NFKB1: variants seen among roughly 807,000 people sequenced by gnomAD.
NFKB1 encodes the protein nuclear factor NF-kappa-B p105 subunit.
In NFKB1, 9 loss-of-function variants were observed where a neutral mutation model predicts 105.1. That is an observed-to-expected ratio of 0.09 (90% CI 0.05 to 0.15). The LOEUF is 0.15. Ranked by LOEUF, NFKB1 falls within the 10% of genes least tolerant of loss-of-function variation. The probability of loss-of-function intolerance (pLI) is 1.00; values close to 1 mark genes in which losing one functional copy is unlikely to be tolerated. For missense variants in NFKB1, 830 were observed against 1,203.7 expected (o/e 0.69, Z 4.59); for synonymous variants, 440 against 442.2 (o/e 1.00, Z 0.06).
chr4:102,567,927 T>C lies in NFKB1; in HGVS notation c.407+792T>C, dbSNP rs559253512. ...GTGCAATCAATAATTCTAAAAATTG[T>C]TGTTTTAAGTCTTTCTTTGGAAGTC... is the stretch of plus-strand genomic sequence containing the variant. On this transcript the variant is annotated intron_variant, in intron 6 of 23. Transcript: ENST00000226574. Among the ~76,000 whole-genome samples, 12 of 152,318 alleles carry C rather than the reference T, an allele frequency of 7.9e-5. 1 individual carries two copies. The highest frequency in any genetic ancestry group is 2.9e-4 in the African/African-American group (12 of 41,584).
chr4:102,614,103 C>G (rs1031770345), intron 23 of NFKB1, among the ~76,000 whole-genome samples: 3 of 152,074 alleles, frequency 2.0e-5, no homozygotes, highest in African/African-American at 4.8e-5. Context: ...ATTTCTAAAC[C>G]CCCAACACTC....
At chr4:102,503,146 G>A (rs1173673618) in intron 1 of NFKB1, among the ~76,000 whole-genome samples, 1 of 152,092 alleles carries the variant, frequency 6.6e-6, no homozygotes, top group African/African-American at 2.4e-5. Flanking sequence ...TAAATTTGAA[G>A]CAATGTACTT....
chr4:102,540,849 T>G (rs1245343187), intron 5 of NFKB1, among the ~76,000 whole-genome samples: 1 of 152,164 alleles, frequency 6.6e-6, no homozygotes, highest in East Asian at 1.9e-4. Context: ...AGGATGACCT[T>G]TAAGTTTACA....
At chr4:102,557,313 T>C (rs1210482779) in intron 5 of NFKB1, 2 of 152,204 alleles carry the variant, frequency 1.3e-5, no homozygotes, top group East Asian at 1.9e-4. Context: ...ACTTAGAGAT[T>C]ATATATTTGT....
chr4:102,610,639 A>G lies in NFKB1; in HGVS notation c.2292A>G (p.Ala764=). 1 of 1,614,076 alleles carries G rather than the reference A, an allele frequency of 6.2e-7. No individual in the cohort carries two copies. Among genetic ancestry groups the G allele is most frequent in the Non-Finnish European group, 8.5e-7 (1 of 1,179,960 alleles). Residue 764 remains alanine (A), a synonymous_variant, in exon 20 of 24, where the codon GCA becomes GCG. Transcript: ENST00000226574. ...LYDLDDSWEN[A]GEDEGVVPGT... The stretch of plus-strand genomic sequence containing the variant: ...ACCTGGATGACTCTTGGGAAAATGC[A>G]GGAGAGGATGAAGGAGTTGTGCCTG...
At chr4:102,557,545 C>G (rs1723080876) in intron 5 of NFKB1, among the ~76,000 whole-genome samples, 1 of 152,114 alleles carries the variant, frequency 6.6e-6, no homozygotes, top group African/African-American at 2.4e-5. Context: ...TTGTTCCTAT[C>G]CATCACCACA....
intron 13 of NFKB1, among the ~76,000 whole-genome samples, chr4:102,595,484 A>G (rs1405586397): frequency 6.6e-6 from 1 of 152,158 alleles, no homozygotes; most frequent in Non-Finnish European, 1.5e-5. Context: ...TTGAATACCT[A>G]TTTTTGTGCC....
chr4:102,594,155 C>T (rs1244598441), intron 12 of NFKB1, among the ~76,000 whole-genome samples: 1 of 152,140 alleles, frequency 6.6e-6, no homozygotes, highest in Non-Finnish European at 1.5e-5. Context: ...ATAGGTGCAA[C>T]GTTTACCTGA....
At chr4:102,529,985 G>A in intron 3 of NFKB1, 71 bp downstream of exon 3, 2 of 1,124,136 alleles carry the variant, frequency 1.8e-6, no homozygotes, top group Non-Finnish European at 1.3e-6. Flanking sequence ...TTTGTTAATA[G>A]TCTGTCCTAG....
chr4:102,575,661 C>G lies in NFKB1; in HGVS notation c.408-1215C>G, dbSNP rs553730701. Among the ~76,000 whole-genome samples the G allele has an allele frequency of 5.9e-5, 9 of 152,232 alleles. No homozygotes were observed. The South Asian group carries it at 8.3e-4, about 14-fold the overall frequency. ...TCATCATTCATATGTTCATGTCTTC[C>G]CCATCGCTTCCTTCAAGTTTTTGCT... On this transcript the variant is annotated intron_variant, in intron 6 of 23. Transcript: ENST00000226574.
chr4:102,596,158 A>G lies in NFKB1; in HGVS notation c.1321A>G (p.Lys441Glu), dbSNP rs770946957. The part of the protein sequence containing the change: ...MKHGTMDTES[K>E]KDPEGCDKSD... ...CTTAGGAACCATGGACACTGAATCT[A>G]AAAAGGACCCTGAAGGTTGTGACAA... The change falls in exon 14 of 24, where the codon AAA (lysine) becomes GAA (glutamate). Residue 441 changes from lysine (K) to glutamate (E), a missense_variant. By Grantham distance (56) the Lys-to-Glu change is moderately conservative. Transcript: ENST00000226574. The G allele has an allele frequency of 2.5e-6, 4 of 1,600,834 alleles. No homozygotes were observed. The highest frequency in any genetic ancestry group is 1.7e-5 in the Admixed American group (1 of 58,594).
At chr4:102,557,155 T>C (rs1281470406) in intron 5 of NFKB1, 1 of 152,228 alleles carries the variant, frequency 6.6e-6, no homozygotes, top group African/African-American at 2.4e-5. Context: ...CAGTGACTTC[T>C]ACCTTCTCAT....
At chr4:102,564,121 G>A (rs1475302945) in intron 5 of NFKB1, among the ~76,000 whole-genome samples, 11 of 151,996 alleles carry the variant, frequency 7.2e-5, no homozygotes, top group South Asian at 6.2e-4. Context: ...CGCCCGGCCC[G>A]AAAGCTTAAC....
chr4:102,569,712 G>T (rs140972203), intron 6 of NFKB1, among the ~76,000 whole-genome samples: 274 of 152,148 alleles, frequency 1.8e-3, no homozygotes, highest in Non-Finnish European at 1.7e-3. Context: ...ACTTTCTTTG[G>T]AGTGTTTATC....
At chr4:102,593,614 G>T in intron 12 of NFKB1, 46 bp downstream of exon 12, 1 of 1,550,048 alleles carries the variant, frequency 6.5e-7, no homozygotes, top group South Asian at 1.2e-5. Flanking sequence ...TATTGGAGAG[G>T]GTAGAATTTT....
intron 22 of NFKB1, 45 bp downstream of exon 22, chr4:102,612,651 C>A: frequency 6.4e-7 from 1 of 1,550,516 alleles, no homozygotes; most frequent in African/African-American, 1.4e-5. Flanking sequence ...TTTGACTTTA[C>A]TCTGTTAACA....
rs978222652 is a variant in NFKB1 at position 102,520,694 on chromosome 4, GTAAC to G, written c.-7-4814_-7-4811del. 1.6e-4 allele frequency among the ~76,000 whole-genome samples: 24 copies of G among 151,614 alleles called. No homozygotes were observed. In the South Asian group the frequency reaches 1.7e-3, roughly 11 times the overall value. On this transcript the variant is annotated intron_variant, in intron 1 of 23. Coordinates refer to ENST00000226574, the MANE Select transcript of NFKB1 (RefSeq NM_003998.4). ...AGAAATCAGCTTTTAAAAAAAAAAAGTAACTAAGCCATGATCAACTTTTCTTTCA... is the reference window on the plus strand; with the variant it reads ...AGAAATCAGCTTTTAAAAAAAAAAAGTAAGCCATGATCAACTTTTCTTTCA...
At chr4:102,526,668 T>G (rs1360785409) in intron 2 of NFKB1, among the ~76,000 whole-genome samples, 1 of 152,090 alleles carries the variant, frequency 6.6e-6, no homozygotes, top group Non-Finnish European at 1.5e-5. Context: ...CTTTTCTCAT[T>G]TGTAAAATAG....
intron 1 of NFKB1, chr4:102,503,326 C>T (rs1578693181): frequency 6.6e-6 from 1 of 151,800 alleles, no homozygotes; most frequent in East Asian, 2.0e-4. Flanking sequence ...TTCCTAAATG[C>T]CCTCCCCTGC....
Sources: gnomAD v4.1 joint callset for allele counts (sites outside exome capture counted in the v4.1 genomes callset) on GRCh38, gnomAD v4.1.1 for gene constraint, MANE v1.5 for transcripts, NCBI Gene and HGNC (gene_info 2026-07-23, HGNC 2026-07-21) for gene names.